SP140L: variants seen among roughly 807,000 people sequenced by gnomAD.
SP140L encodes the protein nuclear body protein SP140-like protein.
Under a neutral mutation model 84.3 loss-of-function variants are expected in SP140L, and 64 were observed. That is an observed-to-expected ratio of 0.76 (90% confidence interval 0.62 to 0.94). The LOEUF is 0.94. Ranked by LOEUF, SP140L falls within the 40% of genes least tolerant of loss-of-function variation. The probability of loss-of-function intolerance (pLI) is 0.00; values close to 1 mark genes in which losing one functional copy is unlikely to be tolerated. For synonymous variants in SP140L, 242 were observed against 236.9 expected (o/e 1.02, Z -0.20); for missense variants, 628 against 692.5 (o/e 0.91, Z 1.05).
chr2:230,401,741 C>T lies in SP140L; in HGVS notation c.1578C>T (p.Tyr526=). Residue 526 remains tyrosine, a synonymous_variant, in exon 18 of 19, where the codon TAC becomes TAT. Transcript: ENST00000415673. ...KIKKRLNEHG[Y]PQVEGFVQDM... Reference sequence around the variant, plus strand: ...AGAAAAGGCTGAATGAGCACGGTTACCCCCAAGTGGAGGGGTTTGTACAAG... The same window carrying T: ...AGAAAAGGCTGAATGAGCACGGTTATCCCCAAGTGGAGGGGTTTGTACAAG... 1 of 1,545,998 alleles carries T rather than the reference C, an allele frequency of 6.5e-7. No homozygotes were observed. The highest frequency in any genetic ancestry group is 8.8e-7 in the Non-Finnish European group (1 of 1,137,614).
Position 230,357,876 on chromosome 2 carries a change from A to G in SP140L, c.179A>G (p.His60Arg). ...ACTGTATTCAAGCACTTCAAAAGAC[A>G]TAAGCTGGAGATATCAAATGCAATA... is the stretch of plus-strand genomic sequence containing the variant. ...YDTVFKHFKRHKLEISNAIKK... is the reference protein window; with the variant it reads ...YDTVFKHFKRRKLEISNAIKK... The change falls in exon 3 of 19, where the codon CAT (histidine) becomes CGT (arginine). Residue 60 changes from histidine to arginine, a missense_variant. His to Arg is a conservative substitution (Grantham distance 29). Around this residue, in one of 4 missense-constraint regions of SP140L, gnomAD observed 525 missense variants for 518.4 expected, o/e 1.01. Transcript: ENST00000415673. 2.5e-6 allele frequency: 4 copies of G among 1,614,158 alleles called. No individual in the cohort carries two copies. Among genetic ancestry groups the G allele is most frequent in the African/African-American group, 1.3e-5 (1 of 75,066 alleles).
intron 5 of SP140L, among the ~76,000 whole-genome samples, chr2:230,366,710 C>CTATTATTATTAT (rs60410770): frequency 0.021 from 3,078 of 144,516 alleles, 30 homozygotes; most frequent in South Asian, 0.045. Context: ...GGATTATTAT[C>CTATTATTATTAT]TATTATTATT....
chr2:230,333,162 T>C (rs900858906), intron 2 of SP140L, among the ~76,000 whole-genome samples: 2 of 147,712 alleles, frequency 1.4e-5, no homozygotes, highest in East Asian at 3.9e-4. Flanking sequence ...AATGCCATTC[T>C]GATTTTTTTT....
intron 5 of SP140L, among the ~76,000 whole-genome samples, chr2:230,366,560 T>A (rs2060876292): frequency 1.3e-5 from 2 of 151,678 alleles, no homozygotes; most frequent in Non-Finnish European, 2.9e-5. Flanking sequence ...AGTTTTTTTT[T>A]ATTATTATTC....
rs1299765593 is a variant in SP140L at position 230,400,057 on chromosome 2, A to G, written c.1198-70A>G. ...GGCTCACACATAAGCAGTGTGTTCT[A>G]GATGCCCAGAGGGGTGGCCTTCCTG... On this transcript the variant is annotated intron_variant, in intron 14 of 18. Coordinates refer to ENST00000415673, the MANE Select transcript of SP140L (RefSeq NM_138402.6). 3.9e-6 allele frequency: 6 copies of G among 1,537,274 alleles called. No homozygotes were observed. In the East Asian group the frequency reaches 6.8e-5, roughly 17 times the overall value.
rs1190707655 is a variant in SP140L at position 230,401,395 on chromosome 2, T to C, written c.1452T>C (p.Tyr484=). The change falls in exon 17 of 19, where the codon TAT becomes TAC. Residue 484 remains tyrosine, a synonymous_variant. Coordinates refer to ENST00000415673, the MANE Select transcript of SP140L (RefSeq NM_138402.6). ...LKCEFLLLKV[Y]CCSESSFFAK... is the part of the protein sequence containing the mutation. ...GTGAGTTCCTCCTCTTGAAAGTCTATTGCTGTTCTGAGAGCTCCTTTTTTG... is the reference window on the plus strand; with the variant it reads ...GTGAGTTCCTCCTCTTGAAAGTCTACTGCTGTTCTGAGAGCTCCTTTTTTG... The C allele has an allele frequency of 6.3e-7, 1 of 1,586,286 alleles. No homozygotes were observed. Among genetic ancestry groups the C allele is most frequent in the Admixed American group, 1.8e-5 (1 of 57,070 alleles).
Position 230,402,948 on chromosome 2 carries a change from T to G in SP140L, c.*52T>G, listed in dbSNP as rs2062422030. The G allele has an allele frequency of 2.7e-6, 4 of 1,486,152 alleles. No individual in the cohort carries two copies. The highest frequency in any genetic ancestry group is 3.7e-6 in the Non-Finnish European group (4 of 1,084,802). 92.1% of individuals were successfully genotyped at this position (1,486,152 alleles called of 1,614,324 possible). On this transcript the variant is annotated 3_prime_UTR_variant, in exon 19 of 19. Transcript: ENST00000415673. The stretch of plus-strand genomic sequence containing the variant: ...CAGGAAATATGCTACTGGTTGCCAC[T>G]GACTTCAAACTGAGAGCACTTGGGA...
intron 2 of SP140L, among the ~76,000 whole-genome samples, chr2:230,333,857 T>C (rs1004626836): frequency 3.3e-5 from 5 of 152,192 alleles, no homozygotes; most frequent in African/African-American, 1.2e-4. Context: ...TAAAAATTTC[T>C]GCCATGATAT....
chr2:230,358,839 A>G, intron 3 of SP140L, 125 bp from the exon 4 acceptor site: 1 of 764,848 alleles, frequency 1.3e-6, no homozygotes, highest in Non-Finnish European at 2.0e-6. Context: ...AAAAATTATA[A>G]AACTTTACAT....
intron 7 of SP140L, among the ~76,000 whole-genome samples, chr2:230,379,674 T>C (rs1968341): frequency 0.71 from 107,842 of 151,922 alleles, 38,859 homozygotes; most frequent in South Asian, 0.76. Context: ...TCTCTAAGTG[T>C]TGTATGTACA....
intron 5 of SP140L, among the ~76,000 whole-genome samples, chr2:230,367,861 G>A (rs190612759): frequency 6.6e-6 from 1 of 152,212 alleles, no homozygotes; most frequent in Admixed American, 6.5e-5. Flanking sequence ...GAACCAGGGA[G>A]CTGGAGGTTG....
intron 11 of SP140L, among the ~76,000 whole-genome samples, chr2:230,390,380 C>T (rs1386547261): frequency 6.6e-6 from 1 of 152,162 alleles, no homozygotes; most frequent in African/African-American, 2.4e-5. Flanking sequence ...GTCACCAAGG[C>T]AGGGTGCTTG....
chr2:230,332,860 C>T (rs2059764643), intron 2 of SP140L, among the ~76,000 whole-genome samples: 1 of 152,206 alleles, frequency 6.6e-6, no homozygotes, highest in African/African-American at 2.4e-5. Flanking sequence ...TTAGTTTCAG[C>T]TTCCAAGACT....
intron 7 of SP140L, among the ~76,000 whole-genome samples, chr2:230,380,380 T>C (rs901743164): frequency 2.0e-5 from 3 of 152,192 alleles, no homozygotes; most frequent in Non-Finnish European, 4.4e-5. Flanking sequence ...TATCCATATA[T>C]ACATTTTTTT....
At chr2:230,328,893 G>C (rs1487103080) in intron 2 of SP140L, 62 bp downstream of exon 2, 2 of 1,541,472 alleles carry the variant, frequency 1.3e-6, no homozygotes, top group Admixed American at 4.1e-5. Context: ...AAGCTGAACA[G>C]CTTTTCATGT....
At chr2:230,375,274 T>C (rs1371650936) in intron 7 of SP140L, among the ~76,000 whole-genome samples, 2 of 152,186 alleles carry the variant, frequency 1.3e-5, no homozygotes, top group Non-Finnish European at 2.9e-5. Flanking sequence ...CAGATCTGTG[T>C]CTTATCACAT....
At chr2:230,402,246 C>G (rs918875692) in intron 18 of SP140L, among the ~76,000 whole-genome samples, 86 of 152,306 alleles carry the variant, frequency 5.6e-4, no homozygotes, top group African/African-American at 2.0e-3. Flanking sequence ...GAGAAAGGAA[C>G]AGATCAGTGA....
At chr2:230,358,932 A>G (rs559901222) in intron 3 of SP140L, 32 bp from the exon 4 acceptor site, 2 of 1,533,422 alleles carry the variant, frequency 1.3e-6, no homozygotes, top group African/African-American at 2.8e-5. Context: ...GAAAGTCTGT[A>G]TTTGTATTTT....
intron 2 of SP140L, among the ~76,000 whole-genome samples, chr2:230,341,078 G>T (rs1196208471): frequency 8.2e-6 from 1 of 121,652 alleles, no homozygotes; most frequent in Non-Finnish European, 1.7e-5. Flanking sequence ...ATAATATCCT[G>T]CAGAGTGTTT....
Sources: gnomAD v4.1 joint callset for allele counts (sites outside exome capture counted in the v4.1 genomes callset) on GRCh38, gnomAD v4.1.1 for gene constraint, gnomAD v4.1.1 regional missense constraint, MANE v1.5 for transcripts, NCBI Gene and HGNC (gene_info 2026-07-23, HGNC 2026-07-21) for gene names.